Variants in LEO1 observed in about 807,000 individuals in gnomAD.
The protein encoded by LEO1 is RNA polymerase-associated protein LEO1.
In LEO1, 34 loss-of-function variants were observed where a neutral mutation model predicts 80.4. That is an observed-to-expected ratio of 0.42 (90% CI 0.32 to 0.56). The LOEUF (loss-of-function observed/expected upper bound fraction) is 0.56, where lower values mean the gene tolerates loss of function less well. LEO1 is among the 20% of genes least tolerant of loss of function. The pLI, the probability that LEO1 is intolerant of heterozygous loss-of-function variation, is 0.10. For missense variants in LEO1, 631 were observed against 814.2 expected, an observed-to-expected ratio of 0.77 and a Z score of 2.74; for synonymous variants, 262 against 274.9, an observed-to-expected ratio of 0.95 and a Z score of 0.46.
In LEO1 at chr15:51,966,222, T is replaced by C. The variant is rs377122630; in HGVS notation, c.341A>G (p.Asn114Ser). 9.3e-6 allele frequency: 15 copies of C among 1,614,030 alleles called. No individual in the cohort carries two copies. The African/African-American group carries it at 1.9e-4, about 20-fold the overall frequency. ...TCTATGACCTTCGTCTTCATCATCA[T>C]TAGGGGCTTCTGATCCACTGTGCTG... ...VDQHSGSEAP[N>S]DDEDEGHRSD... Residue 114 changes from asparagine (N) to serine (S), a missense_variant, in exon 2 of 12, where the codon AAT becomes AGT. By Grantham distance (46) the Asn-to-Ser change is conservative. This residue lies in a region of LEO1 where 394 missense variants were observed against 395.6 expected (regional missense o/e 1.00). Transcript: ENST00000299601.
In LEO1 at chr15:51,962,349, A is replaced by C. The variant is rs1285422119; in HGVS notation, c.919+40T>G. The C allele has an allele frequency of 7.8e-6, 10 of 1,282,680 alleles. 1 individual carries two copies. The highest frequency in any genetic ancestry group is 1.1e-5 in the Non-Finnish European group (10 of 912,574). The allele number at this position is 1,282,680 out of a possible 1,614,324, so 79.5% of individuals were successfully genotyped here. A position where few individuals can be genotyped will look rare whatever the true frequency, so the allele number is the denominator to read the frequency against. ...ATGCACTACAGTTAAATACAGAAAGAGGTATGGAAATATACATATATATAT... is the reference window on the plus strand; with the variant it reads ...ATGCACTACAGTTAAATACAGAAAGCGGTATGGAAATATACATATATATAT... On this transcript the variant is annotated intron_variant, in intron 3 of 11. Coordinates refer to ENST00000299601, the MANE Select transcript of LEO1 (RefSeq NM_138792.4).
chr15:51,940,254 CA>C (rs745641318), intron 11 of LEO1, among the ~76,000 whole-genome samples: 7,166 of 37,952 alleles, frequency 0.19, 290 homozygotes, highest in East Asian at 0.47. Context: ...GACTCCGTAT[CA>C]AAAAAAAAAA....
intron 3 of LEO1, among the ~76,000 whole-genome samples, chr15:51,962,135 C>T (rs1052738466): frequency 4.7e-5 from 7 of 149,464 alleles, no homozygotes; most frequent in African/African-American, 9.9e-5. Flanking sequence ...TGCACTCCAG[C>T]GTGGGTGACA....
At chr15:51,964,167 C>T (rs1029519210) in intron 2 of LEO1, among the ~76,000 whole-genome samples, 1 of 151,320 alleles carries the variant, frequency 6.6e-6, no homozygotes, top group Non-Finnish European at 1.5e-5. Flanking sequence ...GATCATGCCA[C>T]TACACTCCAG....
At chr15:51,950,108 G>A (rs1027978427) in intron 9 of LEO1, 114 bp from the exon 10 acceptor site, 52 of 930,884 alleles carry the variant, frequency 5.6e-5, no homozygotes, top group Middle Eastern at 6.7e-4. Flanking sequence ...CAGCTGTGCC[G>A]TGTGTGTTCC....
intron 11 of LEO1, among the ~76,000 whole-genome samples, chr15:51,942,039 G>A (rs990500383): frequency 6.6e-6 from 1 of 152,202 alleles, no homozygotes; most frequent in African/African-American, 2.4e-5. Context: ...GGGACCTGGG[G>A]TCTGAAAACT....
chr15:51,946,033 TA>T (rs914377515), intron 11 of LEO1, among the ~76,000 whole-genome samples: 72 of 150,052 alleles, frequency 4.8e-4, no homozygotes, highest in African/African-American at 1.7e-3. Context: ...GACTCTGTCT[TA>T]AAAAAAAAGA....
At chr15:51,955,897 T>G (rs1318807645) in intron 6 of LEO1, among the ~76,000 whole-genome samples, 1 of 152,218 alleles carries the variant, frequency 6.6e-6, no homozygotes, top group Non-Finnish European at 1.5e-5. Flanking sequence ...AAACATGATG[T>G]CATACCTGAA....
At position 51,949,942 on chromosome 15, in the gene LEO1, C is replaced by A; in HGVS notation, c.1664G>T (p.Arg555Leu). ...ASIRRESQQR[R>L]MREKQHQRGL... ...CCGCTGGTGCTGTTTCTCTCTCATT[C>A]GGCGCTGCTGAGATTCCCTACGTAT... The change falls in exon 10 of 12, where the codon CGA (arginine) becomes CTA (leucine). Residue 555 changes from arginine (R) to leucine (L), a missense_variant. Arg to Leu is a moderately radical substitution (Grantham distance 102). This residue lies in a region of LEO1 where 117 missense variants were observed against 163.5 expected (regional missense o/e 0.72). Transcript: ENST00000299601. 6.2e-7 allele frequency: 1 copy of A among 1,614,006 alleles called. No individual in the cohort carries two copies.
In LEO1 at chr15:51,938,086, C is replaced by G; in HGVS notation, c.*70G>C. 2 of 736,696 alleles carry G rather than the reference C, an allele frequency of 2.7e-6. No individual in the cohort carries two copies. The highest frequency in any genetic ancestry group is 5.9e-5 in the Admixed American group (2 of 33,664). The allele number at this position is 736,696 out of a possible 1,614,324, so 45.6% of individuals were successfully genotyped here. ...CAAAAGCAAATCGATTCATTTCAAT[C>G]AAAATAACTCATGTTTACATATTTA... On this transcript the variant is annotated 3_prime_UTR_variant, in exon 12 of 12. Coordinates refer to ENST00000299601, the MANE Select transcript of LEO1 (RefSeq NM_138792.4).
chr15:51,970,851 C>G (rs2057117084), intron 1 of LEO1, among the ~76,000 whole-genome samples: 1 of 152,164 alleles, frequency 6.6e-6, no homozygotes, highest in South Asian at 2.1e-4. Context: ...ATTCATATTT[C>G]AAGTGCCCGT....
chr15:51,962,487 G>A lies in LEO1; in HGVS notation c.821C>T (p.Ala274Val), dbSNP rs1460736660. Residue 274 changes from alanine to valine, a missense_variant, in exon 3 of 12, where the codon GCA (alanine) becomes GTA (valine). This residue lies in a region of LEO1 where 394 missense variants were observed against 395.6 expected (regional missense o/e 1.00). Transcript: ENST00000299601. The part of the protein sequence containing the change: ...EEEQDHKSES[A>V]RGSDSEDEVL... ...TTCATCTTCACTATCACTGCCTCTT[G>A]CAGATTCTATAAGGGTAGAATTAGA... The A allele has an allele frequency of 1.9e-6, 3 of 1,606,856 alleles. No homozygotes were observed. The highest frequency in any genetic ancestry group is 4.5e-5 in the East Asian group (2 of 44,826).
chr15:51,958,109 T>G (rs1408904719), intron 6 of LEO1, among the ~76,000 whole-genome samples: 1 of 152,148 alleles, frequency 6.6e-6, no homozygotes, highest in East Asian at 1.9e-4. Flanking sequence ...AATTCCAGTT[T>G]CAGTATCATG....
intron 9 of LEO1, among the ~76,000 whole-genome samples, chr15:51,951,463 T>C (rs181188552): frequency 1.5e-3 from 226 of 152,360 alleles, no homozygotes; most frequent in African/African-American, 5.3e-3. Context: ...AGGCACTCTC[T>C]CATTCAAACT....
intron 6 of LEO1, among the ~76,000 whole-genome samples, chr15:51,958,251 T>G (rs1325679987): frequency 6.6e-6 from 1 of 150,918 alleles, no homozygotes. Flanking sequence ...AGCTCAGAAG[T>G]TCAAGATCAA....
At chr15:51,943,276 G>A (rs1010548194) in intron 11 of LEO1, among the ~76,000 whole-genome samples, 7 of 152,120 alleles carry the variant, frequency 4.6e-5, no homozygotes, top group Non-Finnish European at 7.4e-5. Context: ...ATACTTGGGA[G>A]GCTGAGGCAG....
intron 11 of LEO1, among the ~76,000 whole-genome samples, chr15:51,941,695 AAAT>A (rs1221727242): frequency 6.6e-6 from 1 of 152,266 alleles, no homozygotes; most frequent in East Asian, 1.9e-4. Context: ...CTACTTAAAA[AAAT>A]GAGGGAGAAT....
intron 1 of LEO1, among the ~76,000 whole-genome samples, chr15:51,967,765 A>G (rs535759059): frequency 6.6e-6 from 1 of 152,366 alleles, no homozygotes; most frequent in African/African-American, 2.4e-5. Context: ...AAAAAGAAAG[A>G]CTGTCAACCA....
intron 6 of LEO1, among the ~76,000 whole-genome samples, chr15:51,957,866 C>T (rs181509948): frequency 2.9e-4 from 44 of 152,046 alleles, no homozygotes; most frequent in Admixed American, 2.8e-3. Context: ...ACTAAAAATA[C>T]AAAAATTAGC....
Sources: gnomAD v4.1 joint callset for allele counts (sites outside exome capture counted in the v4.1 genomes callset) on GRCh38, gnomAD v4.1.1 for gene constraint, gnomAD v4.1.1 regional missense constraint, MANE v1.5 for transcripts, NCBI Gene and HGNC (gene_info 2026-07-23, HGNC 2026-07-21) for gene names.